The following AMOTL2 variants were observed in gnomAD, a reference collection of about 807,000 sequenced individuals.
AMOTL2 encodes angiomotin-like protein 2.
In AMOTL2, 33 loss-of-function variants were observed where a neutral mutation model predicts 78.4. The observed-to-expected ratio is 0.42, with a 90% CI of 0.32 to 0.56. AMOTL2 has a LOEUF of 0.56. AMOTL2 is among the 20% of genes least tolerant of loss of function. The probability of loss-of-function intolerance (pLI) is 0.12; values close to 1 mark genes in which losing one functional copy is unlikely to be tolerated. For synonymous variants in AMOTL2, 422 were observed against 428.8 expected (o/e 0.98, Z 0.20); for missense variants, 983 against 1,030.1 (o/e 0.95, Z 0.63).
In AMOTL2 at chr3:134,357,058, TTA is replaced by T. The variant is rs1219386253; in HGVS notation, c.*645_*646del. The T allele has an allele frequency of 6.5e-6, 1 of 152,924 alleles. No individual in the cohort carries two copies. Among genetic ancestry groups the T allele is most frequent in the Admixed American group, 6.5e-5 (1 of 15,348 alleles). 9.5% of individuals were successfully genotyped at this position (152,924 alleles called of 1,614,324 possible). ...GTCTTCTGTTCCACAAGAAAGGGAA[TTA>T]TATACAAACTGCGCACTGTCTCCCA... On this transcript the variant is annotated 3_prime_UTR_variant, in exon 10 of 10. Transcript: ENST00000249883.
rs1410909442 is a variant in AMOTL2, at chr3:134,360,221, C to T, written c.1768G>A (p.Ala590Thr). The change falls in exon 7 of 10, where the codon GCT (alanine) becomes ACT (threonine). Residue 590 changes from alanine to threonine, a missense_variant. Ala to Thr is a moderately conservative substitution (Grantham distance 58). Transcript: ENST00000249883. ...RQFAMDAAAT[A>T]AAQRDTTLIR... ...AGAGTGGTGTCACGCTGAGCAGCAG[C>T]CGTGGCAGCCGCATCCATGGCAAAC... The T allele has an allele frequency of 6.2e-7, 1 of 1,613,952 alleles. No individual in the cohort carries two copies. Among genetic ancestry groups the T allele is most frequent in the South Asian group, 1.1e-5 (1 of 91,066 alleles).
intron 9 of AMOTL2, 86 bp from the exon 10 acceptor site, chr3:134,357,849 C>A (rs116734295): frequency 7.1e-7 from 1 of 1,412,258 alleles, no homozygotes; most frequent in Non-Finnish European, 1.0e-6. Flanking sequence ...AGACAAAGAT[C>A]GTTCTTCACC....
chr3:134,368,085 TCA>T (rs2017690690), intron 2 of AMOTL2, among the ~76,000 whole-genome samples: 1 of 152,176 alleles, frequency 6.6e-6, no homozygotes, highest in Non-Finnish European at 1.5e-5. Flanking sequence ...CATACCCGCC[TCA>T]CAGTGGCTGG....
rs923266542 is a variant in AMOTL2, at chr3:134,360,095, C to T, written c.1883+11G>A. 6.3e-7 allele frequency: 1 copy of T among 1,598,978 alleles called. No individual in the cohort carries two copies. Among genetic ancestry groups the T allele is most frequent in the South Asian group, 1.1e-5 (1 of 90,036 alleles). The stretch of plus-strand genomic sequence containing the variant: ...CCCCCAACCTCAGGTGCCTGGCCTG[C>T]AATGCCGAACCTGCTTTCCATCTCC... On this transcript the variant is annotated intron_variant, in intron 7 of 9. Transcript: ENST00000249883.
At chr3:134,369,052 G>GCAAGAGT (rs2017735618) in intron 2 of AMOTL2, among the ~76,000 whole-genome samples, 1 of 152,134 alleles carries the variant, frequency 6.6e-6, no homozygotes, top group Non-Finnish European at 1.5e-5. Flanking sequence ...TTGCTGCCAT[G>GCAAGAGT]CAGCCTATGG....
In AMOTL2 at chr3:134,359,985, A is replaced by G. The variant is rs539238348; in HGVS notation, c.1883+121T>C. 94 of 1,089,692 alleles carry G rather than the reference A, an allele frequency of 8.6e-5. No individual in the cohort carries two copies. The African/African-American group carries it at 1.4e-3, about 16-fold the overall frequency. The allele number at this position is 1,089,692 out of a possible 1,614,324, so 67.5% of individuals were successfully genotyped here. A position where few individuals can be genotyped will look rare whatever the true frequency, so the allele number is the denominator to read the frequency against. ...AATCATGCAGGTTCAGCTCAGAAGCAGGAGGGACTGCTGAGCTCTATGGGG... is the reference window on the plus strand; with the variant it reads ...AATCATGCAGGTTCAGCTCAGAAGCGGGAGGGACTGCTGAGCTCTATGGGG... On this transcript the variant is annotated intron_variant, in intron 7 of 9. Transcript: ENST00000249883.
chr3:134,367,943 C>G, intron 2 of AMOTL2, 140 bp from the exon 3 acceptor site: 1 of 681,498 alleles, frequency 1.5e-6, no homozygotes, highest in South Asian at 2.4e-5. Flanking sequence ...ATTAAAATTA[C>G]TGCAGATAAT....
chr3:134,360,438 T>C, intron 6 of AMOTL2, 25 bp from the exon 7 acceptor site: 1 of 1,589,168 alleles, frequency 6.3e-7, no homozygotes. Flanking sequence ...GTAGAGACCG[T>C]GGTCAAGGGT....
At chr3:134,363,499 TG>T (rs1202015448) in intron 5 of AMOTL2, among the ~76,000 whole-genome samples, 11 of 152,114 alleles carry the variant, frequency 7.2e-5, no homozygotes, top group Non-Finnish European at 1.6e-4. Flanking sequence ...CATGACTCTG[TG>T]GGGAAGGACT....
intron 1 of AMOTL2, 35 bp downstream of exon 1, chr3:134,374,307 G>C: frequency 1.0e-6 from 1 of 985,428 alleles, no homozygotes. Flanking sequence ...CTGTGGCCTC[G>C]CGCGCTCTCC....
upstream of AMOTL2, chr3:134,374,901 C>CTGTGTGTGTGTGTGTGTGTGTGTG (rs749884597): frequency 1.0e-6 from 1 of 983,264 alleles, no homozygotes; most frequent in African/African-American, 1.9e-5. Context: ...GGGACTCCGG[C>CTGTGTGTGTGTGTGTGTGTGTGTG]TGTGTGTGTG....
chr3:134,358,374 T>C (rs889464728), intron 9 of AMOTL2, among the ~76,000 whole-genome samples, 166 bp downstream of exon 9: 7 of 152,382 alleles, frequency 4.6e-5, no homozygotes, highest in East Asian at 3.8e-4. Context: ...CATGTTCACA[T>C]TGAGGTGGGC....
intron 1 of AMOTL2, chr3:134,373,951 C>A: frequency 1.8e-6 from 1 of 557,362 alleles, no homozygotes; most frequent in Non-Finnish European, 2.3e-6. Flanking sequence ...CCTGTAACCC[C>A]CACCTAACCA....
intron 6 of AMOTL2, among the ~76,000 whole-genome samples, chr3:134,360,876 A>G (rs1405902668): frequency 6.6e-6 from 1 of 152,236 alleles, no homozygotes; most frequent in Non-Finnish European, 1.5e-5. Context: ...GGGGAGGCAT[A>G]TAAAAGCTGG....
chr3:134,371,709 C>A, intron 1 of AMOTL2: 1 of 701,314 alleles, frequency 1.4e-6, no homozygotes, highest in South Asian at 3.6e-5. Flanking sequence ...GTTTCTCCAC[C>A]AGAAAAATGC....
At chr3:134,360,032 A>T (rs2017282036) in intron 7 of AMOTL2, 74 bp downstream of exon 7, 2 of 1,477,420 alleles carry the variant, frequency 1.4e-6, no homozygotes, top group African/African-American at 1.4e-5. Flanking sequence ...TTTATCAGGG[A>T]TCAAGGGCAG....
At chr3:134,359,589 A>G (rs1179946407) in intron 7 of AMOTL2, 86 bp from the exon 8 acceptor site, 5 of 1,169,902 alleles carry the variant, frequency 4.3e-6, no homozygotes, top group Non-Finnish European at 6.0e-6. Context: ...GTTAGAGGAA[A>G]AGCCCCCCCC....
chr3:134,365,632 T>C (rs1234204705), intron 5 of AMOTL2, among the ~76,000 whole-genome samples, 185 bp downstream of exon 5: 1 of 152,266 alleles, frequency 6.6e-6, no homozygotes, highest in African/African-American at 2.4e-5. Flanking sequence ...ATCCTATTCT[T>C]CTTTGGAAGC....
chr3:134,375,175 T>G, upstream of AMOTL2: 1 of 1,535,012 alleles, frequency 6.5e-7, no homozygotes, highest in African/African-American at 1.4e-5. Context: ...TCCGGTCAAT[T>G]TGACCCACCT....
Sources: allele counts gnomAD v4.1 joint callset (sites outside exome capture counted in the v4.1 genomes callset), GRCh38; gene constraint gnomAD v4.1.1; transcripts MANE v1.5; gene names NCBI Gene and HGNC (gene_info 2026-07-23, HGNC 2026-07-21).